Variants in IFT140 observed in about 807,000 individuals in gnomAD.
The protein encoded by IFT140 is intraflagellar transport 140.
A neutral mutation model predicts 164.6 loss-of-function variants in IFT140; 133 were observed. The ratio of observed to expected loss-of-function variants is 0.81; its 90% CI spans 0.70 to 0.93. IFT140 has a LOEUF of 0.93. Among genes scored for constraint, IFT140 ranks in the 40% least tolerant of loss-of-function variants. IFT140 has a pLI of 0.00. For synonymous variants in IFT140, 860 were observed against 817.3 expected (o/e 1.05, Z -0.89); for missense variants, 2,045 against 1,972.3 (o/e 1.04, Z -0.70).
At chr16:1,540,633 C>T (rs923886132) in intron 19 of IFT140, among the ~76,000 whole-genome samples, 1 of 152,222 alleles carries the variant, frequency 6.6e-6, no homozygotes, top group African/African-American at 2.4e-5. Context: ...GGGACCTGCT[C>T]CTGAGCCTGG....
At chr16:1,600,905 A>G (rs556573186) in intron 4 of IFT140, among the ~76,000 whole-genome samples, 11 of 151,868 alleles carry the variant, frequency 7.2e-5, no homozygotes, top group East Asian at 3.9e-4. Flanking sequence ...AAAAAAAAAA[A>G]GGGAGGAAAA....
chr16:1,589,619 C>T lies in IFT140; in HGVS notation c.796G>A (p.Glu266Lys). 1.2e-6 allele frequency: 2 copies of T among 1,614,062 alleles called. No individual in the cohort carries two copies. The highest frequency in any genetic ancestry group is 1.7e-6 in the Non-Finnish European group (2 of 1,179,910). The change falls in exon 7 of 31, where the codon GAA becomes AAA. Residue 266 changes from glutamate (E) to lysine (K), a missense_variant. By Grantham distance (56) the Glu-to-Lys change is moderately conservative. Coordinates refer to ENST00000426508, the MANE Select transcript of IFT140 (RefSeq NM_014714.4). Reference protein sequence around the residue: ...LYTVPPEGKAEEVMKVKLSGK... With the variant: ...LYTVPPEGKAKEVMKVKLSGK... Reference sequence around the variant, plus strand: ...CTCCCACTCACCTTCATCACTTCTTCTGCTTTGCCCTCAGGAGGCACCGTG... The same window carrying T: ...CTCCCACTCACCTTCATCACTTCTTTTGCTTTGCCCTCAGGAGGCACCGTG...
At chr16:1,579,955 C>A (rs536583704) in intron 13 of IFT140, among the ~76,000 whole-genome samples, 1 of 144,820 alleles carries the variant, frequency 6.9e-6, no homozygotes, top group Non-Finnish European at 1.5e-5. Context: ...CAAAGCAAGA[C>A]TCCATCTCAA....
chr16:1,594,641 A>C (rs942820677), intron 4 of IFT140, among the ~76,000 whole-genome samples: 2 of 152,232 alleles, frequency 1.3e-5, no homozygotes, highest in South Asian at 4.1e-4. Flanking sequence ...TGCTCAATCT[A>C]AAACCATCAC....
At chr16:1,562,884 A>G (rs1180099269) in intron 17 of IFT140, among the ~76,000 whole-genome samples, 1 of 152,194 alleles carries the variant, frequency 6.6e-6, no homozygotes, top group Non-Finnish European at 1.5e-5. Flanking sequence ...CTGTGGGTCC[A>G]TTGCACAGAA....
In IFT140 at chr16:1,560,140, C is replaced by T. The variant is rs1406871779; in HGVS notation, c.2199+1845G>A. Among the ~76,000 whole-genome samples the T allele has an allele frequency of 2.6e-5, 4 of 152,186 alleles. No homozygotes were observed. In the East Asian group the frequency reaches 5.8e-4, roughly 22 times the overall value. On this transcript the variant is annotated intron_variant, in intron 18 of 30. Transcript: ENST00000426508. Reference sequence around the variant, plus strand: ...AAAGCCAGCATGAAATTCGGAGGAACGCCAATCTGGTGACACTTGTCTATT... The same window carrying T: ...AAAGCCAGCATGAAATTCGGAGGAATGCCAATCTGGTGACACTTGTCTATT...
chr16:1,520,942 G>A (rs1245159034), intron 26 of IFT140, 134 bp from the exon 27 acceptor site: 1 of 723,040 alleles, frequency 1.4e-6, no homozygotes, highest in Non-Finnish European at 2.3e-6. Flanking sequence ...GGGTGGGTAT[G>A]GAGGGGACAA....
intron 19 of IFT140, among the ~76,000 whole-genome samples, chr16:1,543,654 G>C (rs1231877723): frequency 1.3e-5 from 2 of 152,212 alleles, no homozygotes; most frequent in Admixed American, 1.3e-4. Flanking sequence ...CTGTAAGAAC[G>C]AATGAGACAG....
chr16:1,544,802 C>A (rs2032013961), intron 19 of IFT140, among the ~76,000 whole-genome samples: 1 of 150,894 alleles, frequency 6.6e-6, no homozygotes, highest in Admixed American at 6.6e-5. Flanking sequence ...GCACCCGCCA[C>A]CACGCCTGGC....
intron 30 of IFT140, among the ~76,000 whole-genome samples, chr16:1,511,532 C>T (rs1286191830): frequency 2.6e-5 from 4 of 151,988 alleles, no homozygotes; most frequent in African/African-American, 9.7e-5. Context: ...GGTGGACATG[C>T]ATATGTCAGA....
chr16:1,603,337 A>G, intron 3 of IFT140, among the ~76,000 whole-genome samples: 1 of 152,128 alleles, frequency 6.6e-6, no homozygotes, highest in Middle Eastern at 3.2e-3. Flanking sequence ...CAGGGATCTG[A>G]AAGGTGAAAA....
intron 10 of IFT140, among the ~76,000 whole-genome samples, 168 bp downstream of exon 10, chr16:1,585,962 A>G (rs994120983): frequency 1.3e-5 from 2 of 151,954 alleles, no homozygotes; most frequent in African/African-American, 2.4e-5. Flanking sequence ...TAGTAGAGAC[A>G]GGGTTTCACC....
intron 19 of IFT140, among the ~76,000 whole-genome samples, chr16:1,527,535 C>T (rs1276702092): frequency 6.6e-6 from 1 of 152,188 alleles, no homozygotes; most frequent in Admixed American, 6.5e-5. Context: ...TGCGTCAGGG[C>T]ACAGGTGCAG....
chr16:1,553,062 AG>A lies in IFT140; in HGVS notation c.2399+4872del. The A allele has an allele frequency of 1.0e-6, 1 of 985,462 alleles. No individual in the cohort carries two copies. The highest frequency in any genetic ancestry group is 1.2e-6 in the Non-Finnish European group (1 of 829,938). The allele number at this position is 985,462 out of a possible 1,614,324, so 61.0% of individuals were successfully genotyped here. ...CAGAAACCAGTCACTGTCATTGTTC[AG>A]GACAAAATGGAGATAGATAAATGCT... On this transcript the variant is annotated intron_variant, in intron 19 of 30. Transcript: ENST00000426508. The surrounding 1 kb of genome is among the most constrained non-coding windows in gnomAD (Gnocchi z 4.4).
intron 19 of IFT140, chr16:1,540,974 C>T (rs1177459543): frequency 2.0e-6 from 2 of 985,288 alleles, no homozygotes; most frequent in Non-Finnish European, 2.4e-6. Context: ...ACTGCTTCAC[C>T]ACCACCTCAT....
chr16:1,549,582 C>A (rs1476575622), intron 19 of IFT140, among the ~76,000 whole-genome samples: 3 of 152,246 alleles, frequency 2.0e-5, no homozygotes, highest in Non-Finnish European at 4.4e-5. Context: ...CAGGTGCCCG[C>A]CACCACGCCC....
At chr16:1,526,276 C>T (rs2040692529) in intron 20 of IFT140, 199 bp from the exon 21 acceptor site, 1 of 614,926 alleles carries the variant, frequency 1.6e-6, no homozygotes, top group Admixed American at 3.0e-5. Flanking sequence ...GATGCACCAC[C>T]AAGGGGTACC....
At position 1,513,909 on chromosome 16, in the gene IFT140, A is replaced by G. The variant is rs190521534; in HGVS notation, c.4183-2759T>C. Among the ~76,000 whole-genome samples, 1,298 of 145,156 alleles carry G rather than the reference A, an allele frequency of 8.9e-3. 14 individuals are homozygous for G. Among genetic ancestry groups the G allele is most frequent in the East Asian group, 0.047 (188 of 4,034 alleles). ...AAGATGGTCTCCATCTCCTGACCTCATGATCTGCCCGCCTTGGCCTCCCAA... is the reference window on the plus strand; with the variant it reads ...AAGATGGTCTCCATCTCCTGACCTCGTGATCTGCCCGCCTTGGCCTCCCAA... On this transcript the variant is annotated intron_variant, in intron 30 of 30. Coordinates refer to ENST00000426508, the MANE Select transcript of IFT140 (RefSeq NM_014714.4).
chr16:1,600,738 AG>A (rs1215684201), intron 4 of IFT140, among the ~76,000 whole-genome samples: 1 of 152,242 alleles, frequency 6.6e-6, no homozygotes, highest in African/African-American at 2.4e-5. Flanking sequence ...GATGTGAAAA[AG>A]AATGAGGAAA....
Sources: allele counts gnomAD v4.1 joint callset (sites outside exome capture counted in the v4.1 genomes callset), GRCh38; gene constraint gnomAD v4.1.1; non-coding constraint Gnocchi (gnomAD v3.1); transcripts MANE v1.5; gene names NCBI Gene and HGNC (gene_info 2026-07-23, HGNC 2026-07-21).